TCF4: variants seen among roughly 807,000 people sequenced by gnomAD.
The protein encoded by TCF4 is transcription factor 4.
A neutral mutation model predicts 82.1 loss-of-function variants in TCF4; 3 were observed. That is an observed-to-expected ratio of 0.04 (90% CI 0.02 to 0.09). The LOEUF (loss-of-function observed/expected upper bound fraction) is 0.09, where lower values mean the gene tolerates loss of function less well. Ranked by LOEUF, TCF4 falls within the 10% of genes least tolerant of loss-of-function variation. TCF4 has a pLI of 1.00. For missense variants in TCF4, 518 were observed against 852.7 expected, an observed-to-expected ratio of 0.61 and a Z score of 4.89; for synonymous variants, 276 against 309.6, an observed-to-expected ratio of 0.89 and a Z score of 1.14.
At chr18:55,433,569 A>C (rs2095257485) in intron 5 of TCF4, among the ~76,000 whole-genome samples, 1 of 152,238 alleles carries the variant, frequency 6.6e-6, no homozygotes, top group African/African-American at 2.4e-5. Flanking sequence ...ATTGATCTGG[A>C]CTGTTTTGAA....
At chr18:55,563,519 T>C (rs2097373522) in intron 3 of TCF4, among the ~76,000 whole-genome samples, 1 of 152,242 alleles carries the variant, frequency 6.6e-6, no homozygotes, top group Admixed American at 6.5e-5. Flanking sequence ...AAGAACTTTG[T>C]GAACTTAAGG....
chr18:55,324,995 C>T (rs1410921321), intron 8 of TCF4, among the ~76,000 whole-genome samples: 1 of 152,186 alleles, frequency 6.6e-6, no homozygotes, highest in Non-Finnish European at 1.5e-5. Flanking sequence ...TGAAGCAGAA[C>T]TGACAACACA....
rs2097723421 is a variant in TCF4 at position 55,623,364 on chromosome 18, A to G, written c.286+7934T>C. 2.0e-5 allele frequency among the ~76,000 whole-genome samples: 3 copies of G among 152,220 alleles called. No individual in the cohort carries two copies. The South Asian group carries it at 6.2e-4, about 31-fold the overall frequency. Reference sequence around the variant, plus strand: ...CAAAAATAGTTCTTAAAGCTTTAGCATTATGATCGTAGTGTCTACAGAAAT... The same window carrying G: ...CAAAAATAGTTCTTAAAGCTTTAGCGTTATGATCGTAGTGTCTACAGAAAT... On this transcript the variant is annotated intron_variant, in intron 2 of 20. Transcript: ENST00000398339.
At position 55,461,054 on chromosome 18, in the gene TCF4, T is replaced by C. The variant is rs143244149; in HGVS notation, c.269A>G (p.Asn90Ser). ...GGAATTGACAAAAGGTGGAGAGAGA[T>C]TGTCATGTGACCCAAGGTCCCTGCT... ...MTSRDLGSHD[N>S]LSPPFVNSRI... The change falls in exon 5 of 20, where the codon AAT becomes AGT. Residue 90 changes from asparagine (N) to serine (S), a missense_variant. Physicochemically the swap from Asn to Ser is conservative, Grantham distance 46. This residue lies in a region of TCF4 where 80 missense variants were observed against 93.8 expected (regional missense o/e 0.85). Transcript: ENST00000354452. The C allele has an allele frequency of 4.2e-4, 672 of 1,613,264 alleles. 5 individuals carry two copies. Among genetic ancestry groups the C allele is most frequent in the Middle Eastern group, 8.2e-4 (5 of 6,078 alleles).
chr18:55,631,234 G>C (rs2097731312), intron 2 of TCF4: 1 of 696,528 alleles, frequency 1.4e-6, no homozygotes, highest in African/African-American at 1.8e-5. Flanking sequence ...GTTTTTAGTA[G>C]AGACAGGATT....
At chr18:55,423,800 C>A (rs182963202) in intron 5 of TCF4, among the ~76,000 whole-genome samples, 2 of 151,288 alleles carry the variant, frequency 1.3e-5, no homozygotes, top group African/African-American at 2.4e-5. Flanking sequence ...GGGCGCTGCG[C>A]CCCTCTCGCC....
At chr18:55,255,048 T>C (rs2145516536) in intron 14 of TCF4, among the ~76,000 whole-genome samples, 1 of 152,292 alleles carries the variant, frequency 6.6e-6, no homozygotes, top group African/African-American at 2.4e-5. Flanking sequence ...TTCTGGCAGG[T>C]ATTAAGTTAA....
At chr18:55,360,306 A>G (rs1241511171) in intron 6 of TCF4, among the ~76,000 whole-genome samples, 2 of 152,240 alleles carry the variant, frequency 1.3e-5, no homozygotes, top group Non-Finnish European at 2.9e-5. Flanking sequence ...CCACAAAAAT[A>G]GCCATAGGAG....
At chr18:55,598,143 A>G (rs1420418424) in intron 2 of TCF4, among the ~76,000 whole-genome samples, 2 of 152,218 alleles carry the variant, frequency 1.3e-5, no homozygotes, top group Non-Finnish European at 2.9e-5. Context: ...AGTCATTGCT[A>G]TCAGCTGGAG....
chr18:55,260,703 C>T (rs1467390334), intron 12 of TCF4, among the ~76,000 whole-genome samples: 1 of 152,110 alleles, frequency 6.6e-6, no homozygotes, highest in Admixed American at 6.6e-5. Flanking sequence ...GGATTACAGG[C>T]ATGTGCCACC....
intron 2 of TCF4, among the ~76,000 whole-genome samples, chr18:55,600,496 C>A (rs189699249): frequency 6.6e-6 from 1 of 152,338 alleles, no homozygotes; most frequent in Admixed American, 6.5e-5. Flanking sequence ...GTGTTCTACA[C>A]AGGGACAGTG....
chr18:55,314,732 G>A (rs940505392), intron 8 of TCF4, among the ~76,000 whole-genome samples: 2 of 151,596 alleles, frequency 1.3e-5, no homozygotes, highest in Non-Finnish European at 2.9e-5. Context: ...CACACTAGAT[G>A]GCTGACAATA....
intron 3 of TCF4, among the ~76,000 whole-genome samples, chr18:55,497,201 T>G (rs1156430037): frequency 1.3e-5 from 2 of 152,224 alleles, no homozygotes; most frequent in South Asian, 2.1e-4. Context: ...GAATTTTGTT[T>G]GATTTTTGTT....
chr18:55,450,455 A>G (rs1465530580), intron 5 of TCF4, among the ~76,000 whole-genome samples: 1 of 152,238 alleles, frequency 6.6e-6, no homozygotes, highest in Non-Finnish European at 1.5e-5. Flanking sequence ...TATGCTCCAT[A>G]TATTTTGCAA....
At chr18:55,300,301 T>C (rs2067809904) in intron 8 of TCF4, among the ~76,000 whole-genome samples, 1 of 152,150 alleles carries the variant, frequency 6.6e-6, no homozygotes, top group Admixed American at 6.6e-5. Context: ...TGACCTGCTC[T>C]GGGACTGAAC....
chr18:55,234,763 T>TGAAG lies in TCF4; in HGVS notation c.1351-84_1351-81dup, dbSNP rs142282264. 0.042 allele frequency: 66,686 copies of TGAAG among 1,606,420 alleles called. 1,600 individuals are homozygous for TGAAG. Among genetic ancestry groups the TGAAG allele is most frequent in the Non-Finnish European group, 0.05 (58,551 of 1,175,874 alleles). Reference sequence around the variant, plus strand: ...ATTTCCAGAGGCCAAGAGGACCTGATGAAGGCTGGCTTTTCAAAAACCATA... The same window carrying TGAAG: ...ATTTCCAGAGGCCAAGAGGACCTGATGAAGGAAGGCTGGCTTTTCAAAAACCATA... On this transcript the variant is annotated intron_variant, in intron 15 of 19. Coordinates refer to ENST00000354452, the MANE Select transcript of TCF4 (RefSeq NM_001083962.2).
At chr18:55,548,684 ATAGCCTATT>A (rs2097228952) in intron 3 of TCF4, among the ~76,000 whole-genome samples, 1 of 152,226 alleles carries the variant, frequency 6.6e-6, no homozygotes, top group Non-Finnish European at 1.5e-5. Context: ...GCTATATGGC[ATAGCCTATT>A]GCTCCAAGGC....
intron 3 of TCF4, among the ~76,000 whole-genome samples, chr18:55,469,407 C>T (rs868588236): frequency 3.5e-4 from 53 of 151,636 alleles, no homozygotes; most frequent in African/African-American, 1.1e-3. Flanking sequence ...GAGGTTGCCG[C>T]GAGCCAAGAT....
chr18:55,441,129 C>T (rs760476412), intron 5 of TCF4, among the ~76,000 whole-genome samples: 1 of 152,220 alleles, frequency 6.6e-6, no homozygotes, highest in African/African-American at 2.4e-5. Context: ...TGACCAAATC[C>T]AGTGCAACAA....
Sources: allele counts gnomAD v4.1 joint callset (sites outside exome capture counted in the v4.1 genomes callset), GRCh38; gene constraint gnomAD v4.1.1; regional missense constraint gnomAD v4.1.1; transcripts MANE v1.5; gene names NCBI Gene and HGNC (gene_info 2026-07-23, HGNC 2026-07-21).